Variants in NCAM2 observed in about 807,000 individuals in gnomAD.
NCAM2 encodes N-CAM-2.
A neutral mutation model predicts 98.1 loss-of-function variants in NCAM2; 30 were observed. That is an observed-to-expected ratio of 0.31 (90% CI 0.23 to 0.41). NCAM2 has a LOEUF of 0.41. NCAM2 is among the 10% of genes least tolerant of loss of function. The pLI, the probability that NCAM2 is intolerant of heterozygous loss-of-function variation, is 1.00. For synonymous variants in NCAM2, 368 were observed against 342.4 expected (o/e 1.07, Z -0.83); for missense variants, 867 against 1,005.8 (o/e 0.86, Z 1.87).
chr21:21,264,269 G>A (rs1319202295), intron 1 of NCAM2, among the ~76,000 whole-genome samples: 1 of 152,020 alleles, frequency 6.6e-6, no homozygotes, highest in African/African-American at 2.4e-5. Flanking sequence ...AATCATCAGA[G>A]AAATGCAAAT....
intron 9 of NCAM2, among the ~76,000 whole-genome samples, chr21:21,395,486 A>G (rs2076484280): frequency 6.6e-6 from 1 of 152,214 alleles, no homozygotes; most frequent in Non-Finnish European, 1.5e-5. Context: ...CATCAAAATA[A>G]CACCATAATT....
intron 1 of NCAM2, among the ~76,000 whole-genome samples, chr21:21,201,085 T>A (rs2069202662): frequency 6.6e-6 from 1 of 152,188 alleles, no homozygotes. Context: ...CTACTGATAC[T>A]TCCTAATACC....
intron 16 of NCAM2, among the ~76,000 whole-genome samples, chr21:21,530,175 T>C (rs5021235): frequency 0.27 from 30,440 of 114,758 alleles, 6,073 homozygotes; most frequent in African/African-American, 0.39. Context: ...TTAATTTAAT[T>C]ATATATGATT....
At chr21:21,503,307 C>G (rs188866810) in intron 15 of NCAM2, among the ~76,000 whole-genome samples, 2 of 151,868 alleles carry the variant, frequency 1.3e-5, no homozygotes, top group East Asian at 3.9e-4. Flanking sequence ...TTTCCAGCAT[C>G]GCTAATCTTG....
At chr21:21,322,017 C>T (rs950186213) in intron 5 of NCAM2, among the ~76,000 whole-genome samples, 3 of 152,176 alleles carry the variant, frequency 2.0e-5, no homozygotes, top group African/African-American at 4.8e-5. Context: ...GTACGATTAT[C>T]ACAGTGCTAT....
At chr21:21,071,943 T>G (rs1211268740) in intron 1 of NCAM2, among the ~76,000 whole-genome samples, 1 of 148,216 alleles carries the variant, frequency 6.7e-6, no homozygotes, top group Non-Finnish European at 1.5e-5. Context: ...GACGGAGTGT[T>G]GCTCTGTTGC....
At position 21,541,844 on chromosome 21, in the gene NCAM2, A is replaced by G. The variant is rs1226867293; in HGVS notation, c.*3887A>G. ...GAAGTTTTTTCATGCTCATACTCAT[A>G]ATCATTATCACATAATGTGCTTATT... is the stretch of plus-strand genomic sequence containing the variant. On this transcript the variant is annotated 3_prime_UTR_variant, in exon 18 of 18. Transcript: ENST00000400546. 1 of 151,836 alleles carries G rather than the reference A, an allele frequency of 6.6e-6. No individual in the cohort carries two copies. The highest frequency in any genetic ancestry group is 2.4e-5 in the African/African-American group (1 of 41,422). The allele number at this position is 151,836 out of a possible 1,614,324, so 9.4% of individuals were successfully genotyped here.
chr21:21,057,603 C>T (rs2065238162), intron 1 of NCAM2, among the ~76,000 whole-genome samples: 2 of 152,252 alleles, frequency 1.3e-5, no homozygotes, highest in African/African-American at 2.4e-5. Flanking sequence ...CATCCTTCAT[C>T]TAATCTGTGC....
intron 16 of NCAM2, among the ~76,000 whole-genome samples, chr21:21,520,277 T>A (rs1988941807): frequency 6.6e-6 from 1 of 152,076 alleles, no homozygotes; most frequent in Non-Finnish European, 1.5e-5. Flanking sequence ...CATTTTAATT[T>A]AAAAAAATCA....
intron 9 of NCAM2, among the ~76,000 whole-genome samples, chr21:21,386,003 T>C (rs232429): frequency 0.38 from 57,432 of 151,868 alleles, 11,190 homozygotes; most frequent in East Asian, 0.58. Context: ...TCTCCTGTAG[T>C]ATAAAAGAGA....
intron 1 of NCAM2, among the ~76,000 whole-genome samples, chr21:21,064,422 A>G (rs757554297): frequency 4.6e-5 from 7 of 152,196 alleles, no homozygotes; most frequent in Non-Finnish European, 7.3e-5. Context: ...TCAATCACAT[A>G]ACTCATTAAG....
At chr21:21,525,084 C>T (rs7277436) in intron 16 of NCAM2, among the ~76,000 whole-genome samples, 122,644 of 151,970 alleles carry the variant, frequency 0.81, 49,671 homozygotes, top group Middle Eastern at 0.88. Context: ...TTATCTAGAC[C>T]TCTACCTCAG....
At chr21:21,269,887 T>A (rs2072429150) in intron 1 of NCAM2, among the ~76,000 whole-genome samples, 1 of 152,140 alleles carries the variant, frequency 6.6e-6, no homozygotes, top group South Asian at 2.1e-4. Flanking sequence ...ATCATATAAT[T>A]CATGAAAGAA....
chr21:21,295,510 T>C (rs1268194754), intron 5 of NCAM2, among the ~76,000 whole-genome samples: 1 of 151,972 alleles, frequency 6.6e-6, no homozygotes, highest in East Asian at 1.9e-4. Context: ...CAGTCGATCA[T>C]GTGACTTGCT....
intron 1 of NCAM2, among the ~76,000 whole-genome samples, chr21:21,120,474 C>T (rs770461180): frequency 6.6e-6 from 1 of 151,924 alleles, no homozygotes; most frequent in African/African-American, 2.4e-5. Flanking sequence ...TGTGTTTCTT[C>T]CTGAGGACGA....
chr21:21,387,241 C>CT (rs2076290692), intron 9 of NCAM2, among the ~76,000 whole-genome samples: 1 of 151,092 alleles, frequency 6.6e-6, no homozygotes, highest in South Asian at 2.1e-4. Context: ...GTGTCCCTTT[C>CT]TCTTTTTATA....
At chr21:21,517,146 T>C (rs1224011400) in intron 16 of NCAM2, among the ~76,000 whole-genome samples, 4 of 152,202 alleles carry the variant, frequency 2.6e-5, no homozygotes, top group African/African-American at 9.6e-5. Context: ...GGAATAAGTA[T>C]ATTTCCAGTT....
chr21:21,366,198 C>G (rs766668698), intron 8 of NCAM2, among the ~76,000 whole-genome samples: 7 of 151,902 alleles, frequency 4.6e-5, no homozygotes, highest in African/African-American at 1.7e-4. Flanking sequence ...AAAGGACAAG[C>G]GCAATGACTA....
chr21:21,510,915 C>G (rs1367376610), intron 16 of NCAM2, among the ~76,000 whole-genome samples: 1 of 151,960 alleles, frequency 6.6e-6, no homozygotes, highest in African/African-American at 2.4e-5. Context: ...CGTCTCCTTT[C>G]CTGTCCCTAT....
Sources: gnomAD v4.1 joint callset for allele counts (sites outside exome capture counted in the v4.1 genomes callset) on GRCh38, gnomAD v4.1.1 for gene constraint, MANE v1.5 for transcripts, NCBI Gene and HGNC (gene_info 2026-07-23, HGNC 2026-07-21) for gene names.